UNC13C: variants seen among roughly 807,000 people sequenced by gnomAD.
UNC13C encodes protein unc-13 homolog C.
In UNC13C, 174 loss-of-function variants were observed where a neutral mutation model predicts 245.4. That is an observed-to-expected ratio of 0.71 (90% confidence interval 0.63 to 0.80). The LOEUF (loss-of-function observed/expected upper bound fraction) is 0.80, where lower values mean the gene tolerates loss of function less well. Among genes scored for constraint, UNC13C ranks in the 30% least tolerant of loss-of-function variants. The pLI, the probability that UNC13C is intolerant of heterozygous loss-of-function variation, is 0.00. For missense variants in UNC13C, 2,829 were observed against 2,602.9 expected, an observed-to-expected ratio of 1.09 and a Z score of -1.89; for synonymous variants, 992 against 895.1, an observed-to-expected ratio of 1.11 and a Z score of -1.93.
Position 54,455,018 on chromosome 15 carries a change from C to T in UNC13C, c.4934-39590C>T, listed in dbSNP as rs1226647512. The stretch of plus-strand genomic sequence containing the variant: ...TTATATCATTATTATGTTACATTAC[C>T]ATAGCTTACCTCCCACTTATAAGTG... On this transcript the variant is annotated intron_variant, in intron 19 of 32. Transcript: ENST00000260323. Among the ~76,000 whole-genome samples, 4 of 151,184 alleles carry T rather than the reference C, an allele frequency of 2.6e-5. No individual in the cohort carries two copies. In the East Asian group the frequency reaches 7.8e-4, roughly 30 times the overall value.
At chr15:54,468,516 G>A (rs974772949) in intron 19 of UNC13C, among the ~76,000 whole-genome samples, 1 of 151,402 alleles carries the variant, frequency 6.6e-6, no homozygotes, top group Non-Finnish European at 1.5e-5. Flanking sequence ...CCAAGAAATC[G>A]CTGCCCTGAT....
rs1198301017 is a variant in UNC13C, at chr15:54,013,080, T to C, written c.177T>C (p.Phe59=). The change falls in exon 2 of 33, where the codon TTT becomes TTC. Residue 59 remains phenylalanine (F), a synonymous_variant. Transcript: ENST00000260323. ...AATCCCCCAAATTTTCTTACACTTT[T>C]AAAAGCACTGTAAAGAAGATTGCAA... The part of the protein sequence containing the change: ...QTKSPKFSYT[F]KSTVKKIAKC... The C allele has an allele frequency of 1.2e-6, 2 of 1,613,772 alleles. No homozygotes were observed. Among genetic ancestry groups the C allele is most frequent in the Non-Finnish European group, 1.7e-6 (2 of 1,179,862 alleles).
rs745739657 is a variant in UNC13C at position 54,393,116 on chromosome 15, A to G, written c.4782A>G (p.Gln1594=). 11 of 1,611,270 alleles carry G rather than the reference A, an allele frequency of 6.8e-6. No individual in the cohort carries two copies. The African/African-American group carries it at 1.1e-4, about 16-fold the overall frequency. The part of the protein sequence containing the change: ...PTTKNLDFWP[Q]LITLMVTIID... Reference sequence around the variant, plus strand: ...CCAAGAATTTGGATTTTTGGCCCCAACTTATTACACTGATGGTTACTATTA... The same window carrying G: ...CCAAGAATTTGGATTTTTGGCCCCAGCTTATTACACTGATGGTTACTATTA... The change falls in exon 18 of 33, where the codon CAA becomes CAG. Residue 1594 remains glutamine (Q), a synonymous_variant. Coordinates refer to ENST00000260323, the MANE Select transcript of UNC13C (RefSeq NM_001080534.3).
At chr15:54,025,130 T>C (rs1389119167) in intron 2 of UNC13C, among the ~76,000 whole-genome samples, 1 of 152,178 alleles carries the variant, frequency 6.6e-6, no homozygotes, top group Non-Finnish European at 1.5e-5. Flanking sequence ...TATTGAGCAA[T>C]GTCACTTTAT....
intron 24 of UNC13C, among the ~76,000 whole-genome samples, chr15:54,523,548 T>A (rs202206100): frequency 6.6e-6 from 1 of 152,174 alleles, no homozygotes; most frequent in African/African-American, 2.4e-5. Flanking sequence ...ATGAGAAATA[T>A]CTATTCACCA....
intron 4 of UNC13C, among the ~76,000 whole-genome samples, chr15:54,215,717 A>C (rs1215722286): frequency 6.6e-6 from 1 of 151,924 alleles, no homozygotes; most frequent in Non-Finnish European, 1.5e-5. Flanking sequence ...TGAGAAAAAT[A>C]GTGGTGAAAT....
chr15:54,272,570 A>G (rs2036714222), intron 10 of UNC13C, among the ~76,000 whole-genome samples: 1 of 152,212 alleles, frequency 6.6e-6, no homozygotes, highest in African/African-American at 2.4e-5. Context: ...CACAGTTTCT[A>G]AAGCAAGGAG....
At chr15:54,127,542 C>A (rs966751746) in intron 2 of UNC13C, among the ~76,000 whole-genome samples, 2 of 151,632 alleles carry the variant, frequency 1.3e-5, no homozygotes, top group South Asian at 2.1e-4. Context: ...ACATCACACA[C>A]TGGGGAGTTG....
chr15:53,858,435 T>C, the UNC13C span, among the ~76,000 whole-genome samples: 2 of 151,958 alleles, frequency 1.3e-5, no homozygotes, highest in Non-Finnish European at 2.9e-5. Flanking sequence ...TTTGTTTTTT[T>C]TTTGAGATGG....
chr15:54,628,953 A>AAAC (rs1406616271), downstream of UNC13C: 1 of 152,128 alleles, frequency 6.6e-6, no homozygotes, highest in African/African-American at 2.4e-5. Flanking sequence ...AAGGAATATC[A>AAAC]AACAAACATT....
Position 54,496,350 on chromosome 15 carries a change from A to G in UNC13C, c.5060+1616A>G, listed in dbSNP as rs62022365. Among the ~76,000 whole-genome samples the G allele has an allele frequency of 3.5e-3, 526 of 152,050 alleles. 2 individuals are homozygous for G. Among genetic ancestry groups the G allele is most frequent in the African/African-American group, 0.012 (509 of 41,516 alleles). ...AAGATAGAATTTACAGAATTTGTCA[A>G]CTAAAGACATATGGGGTTAAAAGAA... On this transcript the variant is annotated intron_variant, in intron 20 of 32. Transcript: ENST00000260323.
chr15:54,383,487 G>C (rs8031781), intron 17 of UNC13C, among the ~76,000 whole-genome samples: 115,386 of 152,006 alleles, frequency 0.76, 44,171 homozygotes, highest in East Asian at 0.92. Flanking sequence ...TATAACAACG[G>C]TGAGCAAACT....
At chr15:54,034,496 AC>A (rs1407885447) in intron 2 of UNC13C, among the ~76,000 whole-genome samples, 1 of 152,242 alleles carries the variant, frequency 6.6e-6, no homozygotes, top group Non-Finnish European at 1.5e-5. Flanking sequence ...CTAGGTTAAT[AC>A]AAGATGGGAA....
intron 2 of UNC13C, among the ~76,000 whole-genome samples, chr15:54,029,867 C>G (rs1032120448): frequency 2.6e-5 from 4 of 152,182 alleles, no homozygotes; most frequent in Non-Finnish European, 5.9e-5. Flanking sequence ...ATCTTTCACT[C>G]AAGTGAACAC....
At chr15:54,190,987 A>G (rs2034163120) in intron 4 of UNC13C, among the ~76,000 whole-genome samples, 1 of 152,116 alleles carries the variant, frequency 6.6e-6, no homozygotes, top group South Asian at 2.1e-4. Context: ...ATAAGCAATG[A>G]TAAAATTAGT....
chr15:53,894,932 CA>C, the UNC13C span, among the ~76,000 whole-genome samples: 1 of 152,016 alleles, frequency 6.6e-6, no homozygotes, highest in Non-Finnish European at 1.5e-5. Context: ...TCCTTGATCA[CA>C]ATTTGTTCCA....
chr15:54,619,234 CTTACGTTAA>C (rs1900645303), intron 30 of UNC13C, among the ~76,000 whole-genome samples: 1 of 150,724 alleles, frequency 6.6e-6, no homozygotes, highest in African/African-American at 2.5e-5. Context: ...TTTCTCCTCA[CTTACGTTAA>C]TAAGCCCAAC....
chr15:54,425,373 A>C (rs1481803358), intron 19 of UNC13C, among the ~76,000 whole-genome samples: 1 of 151,836 alleles, frequency 6.6e-6, no homozygotes, highest in African/African-American at 2.4e-5. Flanking sequence ...ACAAGTAGTA[A>C]GTGGTTTGCA....
At chr15:54,566,123 T>C (rs1291253909) in intron 29 of UNC13C, among the ~76,000 whole-genome samples, 1 of 151,998 alleles carries the variant, frequency 6.6e-6, no homozygotes, top group Non-Finnish European at 1.5e-5. Context: ...GGCACAGTTA[T>C]TTCTTTGGAT....
Sources: allele counts gnomAD v4.1 joint callset (sites outside exome capture counted in the v4.1 genomes callset), GRCh38; gene constraint gnomAD v4.1.1; transcripts MANE v1.5; gene names NCBI Gene and HGNC (gene_info 2026-07-23, HGNC 2026-07-21).